The following SUFU variants were observed in gnomAD, a reference collection of about 807,000 sequenced individuals.
The protein encoded by SUFU is suppressor of fused homolog.
In SUFU, 7 loss-of-function variants were observed where a neutral mutation model predicts 58.9. That is an observed-to-expected ratio of 0.12 (90% CI 0.07 to 0.22). SUFU has a LOEUF of 0.22. Among genes scored for constraint, SUFU ranks in the 10% least tolerant of loss-of-function variants. The probability of loss-of-function intolerance (pLI) is 1.00; values close to 1 mark genes in which losing one functional copy is unlikely to be tolerated. For missense variants in SUFU, 451 were observed against 641.3 expected (o/e 0.70, Z 3.20); for synonymous variants, 232 against 254.8 (o/e 0.91, Z 0.85).
At chr10:102,524,365 G>A (rs1226365085) in intron 2 of SUFU, among the ~76,000 whole-genome samples, 2 of 119,450 alleles carry the variant, frequency 1.7e-5, no homozygotes, top group East Asian at 2.5e-4. Context: ...TAGCTCTGTT[G>A]CCCAGGCTGG....
Position 102,629,929 on chromosome 10 carries a change from T to G in SUFU, c.1366-137T>G. ...CCCAGCCTGCCACCTGGGTCTAGCATTTGAGAATGAAGCCACGCCTCCCGC... is the reference window on the plus strand; with the variant it reads ...CCCAGCCTGCCACCTGGGTCTAGCAGTTGAGAATGAAGCCACGCCTCCCGC... On this transcript the variant is annotated intron_variant, in intron 11 of 11. Coordinates refer to ENST00000369902, the MANE Select transcript of SUFU (RefSeq NM_016169.4). This position sits in a 1 kb window ranked among gnomAD's most constrained non-coding sequence, Gnocchi z 4.7. 1.2e-6 allele frequency: 1 copy of G among 832,068 alleles called. No individual in the cohort carries two copies. The highest frequency in any genetic ancestry group is 2.1e-6 in the Non-Finnish European group (1 of 472,412). The allele number at this position is 832,068 out of a possible 1,614,324, so 51.5% of individuals were successfully genotyped here. A position where few individuals can be genotyped will look rare whatever the true frequency, so the allele number is the denominator to read the frequency against.
At chr10:102,608,356 A>G (rs2063584533) in intron 8 of SUFU, among the ~76,000 whole-genome samples, 1 of 152,236 alleles carries the variant, frequency 6.6e-6, no homozygotes, top group South Asian at 2.1e-4. Flanking sequence ...ACTAAACACT[A>G]AAAAAGAAAA....
At chr10:102,534,166 C>A (rs1291708290) in intron 2 of SUFU, among the ~76,000 whole-genome samples, 1 of 152,104 alleles carries the variant, frequency 6.6e-6, no homozygotes, top group Non-Finnish European at 1.5e-5. Context: ...CGGTGGCTCA[C>A]GCCTGTAATC....
At position 102,619,208 on chromosome 10, in the gene SUFU, G is replaced by A; in HGVS notation, c.1296+1780G>A. ...TTCGCAGATGTCACATTGCCCCTCAGTCCCCTGAATGCCCTTCGGACCCAA... is the reference window on the plus strand; with the variant it reads ...TTCGCAGATGTCACATTGCCCCTCAATCCCCTGAATGCCCTTCGGACCCAA... On this transcript the variant is annotated intron_variant, in intron 10 of 11. Coordinates refer to ENST00000369902, the MANE Select transcript of SUFU (RefSeq NM_016169.4). This position sits in a 1 kb window ranked among gnomAD's most constrained non-coding sequence, Gnocchi z 4.2. 1 of 1,589,858 alleles carries A rather than the reference G, an allele frequency of 6.3e-7. No individual in the cohort carries two copies. The highest frequency in any genetic ancestry group is 8.5e-7 in the Non-Finnish European group (1 of 1,172,452).
At chr10:102,608,489 C>T (rs1372777133) in intron 8 of SUFU, among the ~76,000 whole-genome samples, 1 of 152,198 alleles carries the variant, frequency 6.6e-6, no homozygotes, top group Non-Finnish European at 1.5e-5. Context: ...TTCAGCTTCC[C>T]CAGCCTCAGG....
chr10:102,517,765 G>A (rs887653453), intron 2 of SUFU, among the ~76,000 whole-genome samples: 82 of 152,260 alleles, frequency 5.4e-4, no homozygotes, highest in African/African-American at 1.9e-3. Flanking sequence ...CCTGAGGAAT[G>A]GTATCCTCAC....
chr10:102,605,600 A>G (rs753320289), intron 8 of SUFU, among the ~76,000 whole-genome samples: 1 of 152,208 alleles, frequency 6.6e-6, no homozygotes, highest in African/African-American at 2.4e-5. Flanking sequence ...AAAATTTGTC[A>G]GAATAACCAG....
chr10:102,629,978 C>T lies in SUFU; in HGVS notation c.1366-88C>T, dbSNP rs544847008. ...GCGGCCTGTCCTATCCCTAGCTCCC[C>T]GGGGACAGGCCTGGGCAATCTCTGG... On this transcript the variant is annotated intron_variant, in intron 11 of 11. Coordinates refer to ENST00000369902, the MANE Select transcript of SUFU (RefSeq NM_016169.4). This position sits in a 1 kb window ranked among gnomAD's most constrained non-coding sequence, Gnocchi z 4.7. 8.6e-5 allele frequency: 107 copies of T among 1,251,452 alleles called. No homozygotes were observed. In the South Asian group the frequency reaches 1.0e-3, roughly 12 times the overall value. The allele number at this position is 1,251,452 out of a possible 1,614,324, so 77.5% of individuals were successfully genotyped here. A position where few individuals can be genotyped will look rare whatever the true frequency, so the allele number is the denominator to read the frequency against.
intron 3 of SUFU, among the ~76,000 whole-genome samples, chr10:102,558,713 G>C (rs2063005977): frequency 6.6e-6 from 1 of 152,266 alleles, no homozygotes; most frequent in Non-Finnish European, 1.5e-5. Flanking sequence ...ACCACCAGCA[G>C]AAGAATAGCA....
intron 3 of SUFU, among the ~76,000 whole-genome samples, chr10:102,562,814 C>G (rs1021205885): frequency 6.6e-6 from 1 of 152,116 alleles, no homozygotes; most frequent in African/African-American, 2.4e-5. Flanking sequence ...TTGCTTGAAC[C>G]TAGGAGGCGG....
intron 3 of SUFU, among the ~76,000 whole-genome samples, chr10:102,563,899 G>C (rs972734406): frequency 6.6e-6 from 1 of 152,220 alleles, no homozygotes; most frequent in Admixed American, 6.5e-5. Flanking sequence ...CAGCCCTCAG[G>C]GTCATGGATA....
chr10:102,526,961 G>A (rs919735479), intron 2 of SUFU, among the ~76,000 whole-genome samples: 11 of 149,768 alleles, frequency 7.3e-5, no homozygotes, highest in Non-Finnish European at 1.5e-4. Context: ...TGTAAAGAAT[G>A]TGACATTCAA....
rs1040654062 is a variant in SUFU, at chr10:102,509,302, G to A, written c.316G>A (p.Glu106Lys). ...SDLYGDNRVH[E>K]FTGTDGPSGF... ...TCTCTATGGTGACAACAGAGTCCAT[G>A]AGTGAGTATATGCCACCTGTTCTTT... is the stretch of plus-strand genomic sequence containing the variant. Residue 106 changes from glutamate to lysine, a missense_variant and splice_region_variant, in exon 2 of 12, where the codon GAG becomes AAG. By Grantham distance (56) the Glu-to-Lys change is moderately conservative. Coordinates refer to ENST00000369902, the MANE Select transcript of SUFU (RefSeq NM_016169.4). The A allele has an allele frequency of 1.9e-6, 3 of 1,613,926 alleles. No homozygotes were observed. In the African/African-American group the frequency reaches 4.0e-5, roughly 22 times the overall value.
At chr10:102,594,099 C>T in intron 6 of SUFU, 34 bp downstream of exon 6, 1 of 1,607,364 alleles carries the variant, frequency 6.2e-7, no homozygotes, top group South Asian at 1.1e-5. Flanking sequence ...TTTCTAGCAC[C>T]CTGTGCCTAG....
chr10:102,545,740 G>C (rs1408226457), intron 2 of SUFU, among the ~76,000 whole-genome samples: 1 of 152,178 alleles, frequency 6.6e-6, no homozygotes, highest in Non-Finnish European at 1.5e-5. Context: ...TTGAGAGGTA[G>C]AGGCGGGCAG....
chr10:102,512,753 T>A (rs192958288), intron 2 of SUFU, among the ~76,000 whole-genome samples: 1 of 152,330 alleles, frequency 6.6e-6, no homozygotes, highest in African/African-American at 2.4e-5. Context: ...AGTTCTGGTC[T>A]ATGTTGCAGA....
intron 10 of SUFU, among the ~76,000 whole-genome samples, chr10:102,623,357 T>C (rs1206020092): frequency 1.3e-5 from 2 of 152,202 alleles, no homozygotes; most frequent in African/African-American, 4.8e-5. Flanking sequence ...CTCTGGGCAT[T>C]GGTTTGCCTT....
At chr10:102,614,284 G>A (rs1376813584) in intron 8 of SUFU, among the ~76,000 whole-genome samples, 2 of 152,164 alleles carry the variant, frequency 1.3e-5, no homozygotes, top group African/African-American at 2.4e-5. Context: ...GGCCAGGCAC[G>A]GTGGCTCATG....
chr10:102,523,685 CCT>C (rs1472204815), intron 2 of SUFU, among the ~76,000 whole-genome samples: 1 of 152,198 alleles, frequency 6.6e-6, no homozygotes, highest in Non-Finnish European at 1.5e-5. Flanking sequence ...ATTTCTCATT[CCT>C]GTAACCAGTG....
Sources: allele counts gnomAD v4.1 joint callset (sites outside exome capture counted in the v4.1 genomes callset), GRCh38; gene constraint gnomAD v4.1.1; non-coding constraint Gnocchi (gnomAD v3.1); transcripts MANE v1.5; gene names NCBI Gene and HGNC (gene_info 2026-07-23, HGNC 2026-07-21).